CASK: variants seen among roughly 807,000 people sequenced by gnomAD.
CASK encodes calcium/calmodulin dependent serine protein kinase.
A neutral mutation model predicts 82.9 loss-of-function variants in CASK; 4 were observed. The observed-to-expected ratio is 0.05, with a 90% CI of 0.02 to 0.11. CASK has a LOEUF of 0.11. CASK is among the 10% of genes least tolerant of loss of function. CASK has a pLI of 1.00. For synonymous variants in CASK, 259 were observed against 253.5 expected (o/e 1.02, Z -0.20); for missense variants, 358 against 720.9 (o/e 0.50, Z 5.76).
rs5963260 is a variant in CASK, at chrX:41,587,009, C to T, written c.1234-22G>A. ...ATACCTAAAAAATAAACAAGATATA[C>T]AATAATACAAACATGACACAAGATT... On this transcript the variant is annotated intron_variant, in intron 13 of 26. Coordinates refer to ENST00000378163, the MANE Select transcript of CASK (RefSeq NM_001367721.1). 4,782 of 868,235 alleles carry T rather than the reference C, an allele frequency of 5.5e-3. 128 individuals are homozygous for T. In the African/African-American group the frequency reaches 0.083, roughly 15 times the overall value. 71.6% of individuals were successfully genotyped at this position (868,235 alleles called of 1,213,427 possible).
At chrX:41,903,067 T>C (rs1419602729) in intron 1 of CASK, among the ~76,000 whole-genome samples, 1 of 112,205 alleles carries the variant, frequency 8.9e-6, no homozygotes, top group Non-Finnish European at 1.9e-5. Flanking sequence ...ACAGCAGCTA[T>C]GAATTGGGCT....
At chrX:41,585,755 A>G (rs1376771128) in intron 14 of CASK, 2 of 109,239 alleles carry the variant, frequency 1.8e-5, no homozygotes, top group African/African-American at 6.6e-5. Flanking sequence ...CAAAAAAAAA[A>G]AAAAAAGAAA....
At position 41,631,612 on chromosome X, in the gene CASK, A is replaced by G. The variant is rs1276157902; in HGVS notation, c.916-4909T>C. 3.6e-5 allele frequency among the ~76,000 whole-genome samples: 4 copies of G among 109,643 alleles called. No homozygotes were observed. The East Asian group carries it at 8.7e-4, about 24-fold the overall frequency. On this transcript the variant is annotated intron_variant, in intron 9 of 26. Coordinates refer to ENST00000378163, the MANE Select transcript of CASK (RefSeq NM_001367721.1). ...GCCTCCCGAGTAGCTGGGATTACAA[A>G]CATGTGCCACCATGCCCAGCTAATT...
intron 1 of CASK, among the ~76,000 whole-genome samples, chrX:41,887,341 C>CACAG (rs1491309898): frequency 9.8e-6 from 1 of 101,673 alleles, no homozygotes; most frequent in Non-Finnish European, 2.0e-5. Context: ...CACACACACA[C>CACAG]AGTGTCAAAT....
chrX:41,617,299 A>C (rs989369634), intron 11 of CASK, among the ~76,000 whole-genome samples: 3 of 112,385 alleles, frequency 2.7e-5, no homozygotes, highest in Non-Finnish European at 3.8e-5. Context: ...ACTGATTTAT[A>C]GTCTTATCTT....
At chrX:41,764,174 A>C (rs1329228629) in intron 3 of CASK, among the ~76,000 whole-genome samples, 1 of 109,835 alleles carries the variant, frequency 9.1e-6, no homozygotes, top group Admixed American at 9.7e-5. Context: ...AATTACCCAA[A>C]CCCTTCATTT....
At chrX:41,667,895 G>A (rs2067141221) in intron 6 of CASK, among the ~76,000 whole-genome samples, 1 of 111,778 alleles carries the variant, frequency 8.9e-6, no homozygotes, top group Admixed American at 9.5e-5. Context: ...GTATGCAAGA[G>A]TTGATTTCTT....
chrX:41,854,224 G>GCGCGCGGGCGCGCGCGCACACACA (rs1367817089), intron 1 of CASK, among the ~76,000 whole-genome samples: 1 of 81,718 alleles, frequency 1.2e-5, no homozygotes, highest in African/African-American at 4.6e-5. Flanking sequence ...GCGGGCGCGC[G>GCGCGCGGGCGCGCGCGCACACACA]CACACACACA....
chrX:41,903,479 T>C, intron 1 of CASK, among the ~76,000 whole-genome samples: 1 of 112,157 alleles, frequency 8.9e-6, no homozygotes, highest in Admixed American at 9.4e-5. Context: ...CTACCCTTAC[T>C]ACACAAATAT....
In CASK at chrX:41,692,629, G is replaced by A. The variant is rs1425708521; in HGVS notation, c.430-21099C>T. On this transcript the variant is annotated intron_variant, in intron 5 of 26. Transcript: ENST00000378163. ...AAAGCATTCTCATCTCCAGGGTAAC[G>A]TGCCTATTTCCTTCAACTTGCTTCT... Among the ~76,000 whole-genome samples, 3 of 112,406 alleles carry A rather than the reference G, an allele frequency of 2.7e-5. No homozygotes were observed. In the East Asian group the frequency reaches 8.4e-4, roughly 31 times the overall value.
chrX:41,874,472 C>G (rs2071773600), intron 1 of CASK, among the ~76,000 whole-genome samples: 1 of 111,963 alleles, frequency 8.9e-6, no homozygotes, highest in Non-Finnish European at 1.9e-5. Flanking sequence ...ATGGCTTCCA[C>G]CCATGACCCT....
intron 1 of CASK, among the ~76,000 whole-genome samples, chrX:41,864,416 C>G (rs1254575689): frequency 9.0e-6 from 1 of 111,702 alleles, no homozygotes; most frequent in Non-Finnish European, 1.9e-5. Flanking sequence ...CCCCCGTACT[C>G]ATATTACACA....
At chrX:41,727,818 T>G (rs774151896) in intron 5 of CASK, 41 of 1,190,349 alleles carry the variant, frequency 3.4e-5, no homozygotes, top group Non-Finnish European at 4.7e-5. Flanking sequence ...GCTTCCTTCC[T>G]TATAGTATTT....
At chrX:41,596,994 TA>T (rs1490817193) in intron 12 of CASK, among the ~76,000 whole-genome samples, 1 of 112,610 alleles carries the variant, frequency 8.9e-6, no homozygotes, top group Non-Finnish European at 1.9e-5. Flanking sequence ...ATAAAGATGA[TA>T]AAATCAGTTA....
chrX:41,675,670 AAAT>A (rs1055273369), intron 5 of CASK: 221 of 818,777 alleles, frequency 2.7e-4, no homozygotes, highest in Non-Finnish European at 1.6e-4. Context: ...CATAAATCGT[AAAT>A]AAAAAACTTT....
intron 22 of CASK, among the ~76,000 whole-genome samples, chrX:41,541,705 A>G (rs2064947843): frequency 8.9e-6 from 1 of 112,011 alleles, no homozygotes; most frequent in South Asian, 3.7e-4. Context: ...ATTTACAGAG[A>G]AAAATGCATT....
rs754025285 is a variant in CASK at position 41,555,572 on chromosome X, G to A, written c.1842+28C>T. On this transcript the variant is annotated intron_variant, in intron 20 of 26. Coordinates refer to ENST00000378163, the MANE Select transcript of CASK (RefSeq NM_001367721.1). Reference sequence around the variant, plus strand: ...TTGGCTATTAGCTGCTCAGTTTAGAGAAGTTTCTATAGAGGATATCTATTC... The same window carrying A: ...TTGGCTATTAGCTGCTCAGTTTAGAAAAGTTTCTATAGAGGATATCTATTC... The A allele has an allele frequency of 2.6e-6, 3 of 1,135,562 alleles. No homozygotes were observed. In the Admixed American group the frequency reaches 6.6e-5, roughly 25 times the overall value. 93.6% of individuals were successfully genotyped at this position (1,135,562 alleles called of 1,213,427 possible).
chrX:41,873,481 A>G (rs1380456033), intron 1 of CASK, among the ~76,000 whole-genome samples: 2 of 111,674 alleles, frequency 1.8e-5, no homozygotes, highest in Non-Finnish European at 3.8e-5. Flanking sequence ...GCTGTAGGTA[A>G]TTAGAGTTTC....
intron 25 of CASK, among the ~76,000 whole-genome samples, chrX:41,527,199 G>A (rs1312617211): frequency 9.0e-6 from 1 of 110,682 alleles, no homozygotes; most frequent in Non-Finnish European, 1.9e-5. Flanking sequence ...GGGACAGAGA[G>A]AGAGACAGAG....
Sources: allele counts gnomAD v4.1 joint callset (sites outside exome capture counted in the v4.1 genomes callset), GRCh38; gene constraint gnomAD v4.1.1; transcripts MANE v1.5; gene names NCBI Gene and HGNC (gene_info 2026-07-23, HGNC 2026-07-21).